Variants in SETBP1 observed in about 807,000 individuals in gnomAD.
SETBP1 encodes the protein SET-binding protein.
A neutral mutation model predicts 101.0 loss-of-function variants in SETBP1; 9 were observed. The observed-to-expected ratio is 0.09, with a 90% CI of 0.05 to 0.16. SETBP1 has a LOEUF of 0.16. Ranked by LOEUF, SETBP1 falls within the 10% of genes least tolerant of loss-of-function variation. The probability of loss-of-function intolerance (pLI) is 1.00; values close to 1 mark genes in which losing one functional copy is unlikely to be tolerated. For synonymous variants in SETBP1, 818 were observed against 788.5 expected, an observed-to-expected ratio of 1.04 and a Z score of -0.63; for missense variants, 1,858 against 2,033.8, an observed-to-expected ratio of 0.91 and a Z score of 1.66.
At position 45,063,949 on chromosome 18, in the gene SETBP1, G is replaced by C. The variant is rs2073934647; in HGVS notation, c.*251G>C. On this transcript the variant is annotated 3_prime_UTR_variant, in exon 6 of 6. Coordinates refer to ENST00000649279, the MANE Select transcript of SETBP1 (RefSeq NM_015559.3). ...CTCCCACCACGCGGCGCTTCAGTAC[G>C]GCTGGATCCTCCGCAGGCGAGCGGA... 2.3e-6 allele frequency: 1 copy of C among 430,734 alleles called. No homozygotes were observed. Among genetic ancestry groups the C allele is most frequent in the Non-Finnish European group, 4.2e-6 (1 of 235,514 alleles). 26.7% of individuals were successfully genotyped at this position (430,734 alleles called of 1,614,324 possible).
At chr18:44,979,094 C>A (rs1230961694) in intron 4 of SETBP1, among the ~76,000 whole-genome samples, 1 of 152,176 alleles carries the variant, frequency 6.6e-6, no homozygotes, top group Admixed American at 6.5e-5. Context: ...GAGTAGGAGA[C>A]CTCTGAGAGC....
intron 4 of SETBP1, among the ~76,000 whole-genome samples, chr18:44,973,646 T>C (rs987918453): frequency 3.9e-5 from 6 of 152,122 alleles, no homozygotes; most frequent in African/African-American, 1.4e-4. Context: ...GCCCGATGGC[T>C]AGACATAGAA....
chr18:44,795,418 T>G (rs968153098), intron 2 of SETBP1, among the ~76,000 whole-genome samples: 13 of 152,174 alleles, frequency 8.5e-5, no homozygotes, highest in African/African-American at 3.1e-4. Context: ...CTATAGCTGT[T>G]ATTAGAAGTA....
intron 4 of SETBP1, among the ~76,000 whole-genome samples, chr18:44,998,102 G>A (rs569604341): frequency 3.3e-5 from 5 of 152,212 alleles, no homozygotes; most frequent in Non-Finnish European, 7.3e-5. Flanking sequence ...GATTGGGACC[G>A]TTACAGTTCT....
intron 3 of SETBP1, among the ~76,000 whole-genome samples, chr18:44,889,138 C>A (rs2069712586): frequency 6.6e-6 from 1 of 152,118 alleles, no homozygotes; most frequent in South Asian, 2.1e-4. Flanking sequence ...TTTTCTTCAG[C>A]ATTTCAAAAC....
intron 2 of SETBP1, among the ~76,000 whole-genome samples, chr18:44,832,864 C>T (rs2072405861): frequency 6.6e-6 from 1 of 152,234 alleles, no homozygotes; most frequent in Non-Finnish European, 1.5e-5. Flanking sequence ...TCAGCTCTCC[C>T]AGTCTTCTGG....
chr18:44,768,481 T>C (rs1313127037), intron 2 of SETBP1, among the ~76,000 whole-genome samples: 1 of 152,218 alleles, frequency 6.6e-6, no homozygotes, highest in East Asian at 1.9e-4. Flanking sequence ...TTATTCAGTT[T>C]AATTCTTCAA....
chr18:44,789,281 TC>T (rs563693650), intron 2 of SETBP1, among the ~76,000 whole-genome samples: 14 of 152,202 alleles, frequency 9.2e-5, no homozygotes, highest in Admixed American at 2.0e-4. Flanking sequence ...ACTTCCCCAG[TC>T]CTCAACTTTT....
At chr18:44,859,709 G>T (rs1043976732) in intron 2 of SETBP1, among the ~76,000 whole-genome samples, 1 of 152,190 alleles carries the variant, frequency 6.6e-6, no homozygotes, top group Non-Finnish European at 1.5e-5. Context: ...GGCAAAAGTA[G>T]GTCCTGAAAA....
intron 3 of SETBP1, among the ~76,000 whole-genome samples, chr18:44,937,379 C>T (rs1286994214): frequency 6.9e-6 from 1 of 144,984 alleles, no homozygotes; most frequent in Non-Finnish European, 1.5e-5. Context: ...GGCGTGAACC[C>T]GGGAGGCGGA....
chr18:45,036,438 G>A (rs2073400535), intron 4 of SETBP1, among the ~76,000 whole-genome samples: 1 of 151,908 alleles, frequency 6.6e-6, no homozygotes, highest in Non-Finnish European at 1.5e-5. Context: ...TGGATGTGTC[G>A]CTTTACAAAT....
At chr18:44,735,854 G>A (rs1389452055) in intron 2 of SETBP1, among the ~76,000 whole-genome samples, 1 of 152,184 alleles carries the variant, frequency 6.6e-6, no homozygotes, top group Non-Finnish European at 1.5e-5. Context: ...TCAGAAAGAT[G>A]CTCCAGGTTG....
intron 3 of SETBP1, among the ~76,000 whole-genome samples, chr18:44,890,102 A>G (rs1447967571): frequency 1.3e-5 from 2 of 152,110 alleles, no homozygotes; most frequent in Non-Finnish European, 2.9e-5. Context: ...TTTAAATTCT[A>G]TTTTCAATTT....
intron 3 of SETBP1, among the ~76,000 whole-genome samples, chr18:44,943,342 A>G (rs2071127546): frequency 1.3e-5 from 2 of 152,228 alleles, no homozygotes; most frequent in South Asian, 2.1e-4. Context: ...TTCTTGCCCC[A>G]TTCACTGGCT....
chr18:44,689,264 G>A (rs574797746), intron 1 of SETBP1, among the ~76,000 whole-genome samples: 1 of 152,240 alleles, frequency 6.6e-6, no homozygotes. Context: ...TGCTTATTTC[G>A]AACATGTACT....
At chr18:44,784,189 G>C (rs534978312) in intron 2 of SETBP1, among the ~76,000 whole-genome samples, 3 of 152,196 alleles carry the variant, frequency 2.0e-5, no homozygotes, top group Non-Finnish European at 4.4e-5. Context: ...GAAAATAGGA[G>C]TTCTTTCATG....
chr18:44,717,253 A>G (rs1165896289), intron 2 of SETBP1, among the ~76,000 whole-genome samples: 1 of 152,208 alleles, frequency 6.6e-6, no homozygotes, highest in Non-Finnish European at 1.5e-5. Flanking sequence ...AAACCAGCAG[A>G]GAGGTGTTTT....
intron 5 of SETBP1, among the ~76,000 whole-genome samples, chr18:45,047,133 C>A (rs930079074): frequency 2.0e-5 from 3 of 152,166 alleles, no homozygotes; most frequent in African/African-American, 7.2e-5. Flanking sequence ...GTTTTATCTT[C>A]TTCCCAGTGA....
intron 3 of SETBP1, chr18:44,869,649 C>T (rs1039375134): frequency 1.4e-5 from 5 of 347,564 alleles, no homozygotes; most frequent in East Asian, 7.2e-5. Flanking sequence ...TTGGACAGGA[C>T]ACTCGCATGT....
Sources: gnomAD v4.1 joint callset for allele counts (sites outside exome capture counted in the v4.1 genomes callset) on GRCh38, gnomAD v4.1.1 for gene constraint, MANE v1.5 for transcripts, NCBI Gene and HGNC (gene_info 2026-07-23, HGNC 2026-07-21) for gene names.